COQ3: variants seen among roughly 807,000 people sequenced by gnomAD.
COQ3 encodes the protein ubiquinone biosynthesis O-methyltransferase, mitochondrial.
Under a neutral mutation model 33.1 loss-of-function variants are expected in COQ3, and 29 were observed. The ratio of observed to expected loss-of-function variants is 0.88; its 90% CI spans 0.65 to 1.19. The LOEUF (loss-of-function observed/expected upper bound fraction) is 1.19. Among genes scored for constraint, COQ3 ranks in the 50% most tolerant of loss-of-function variants. The probability of loss-of-function intolerance (pLI) is 0.00; values close to 1 mark genes in which losing one functional copy is unlikely to be tolerated. For missense variants in COQ3, 437 were observed against 430.7 expected (o/e 1.01, Z -0.13); for synonymous variants, 173 against 157.8 (o/e 1.10, Z -0.72).
intron 5 of COQ3, among the ~76,000 whole-genome samples, chr6:99,373,227 C>T (rs946037949): frequency 6.6e-6 from 1 of 152,048 alleles, no homozygotes; most frequent in African/African-American, 2.4e-5. Context: ...GAGTTCAAGA[C>T]AAGCCTGGTC....
chr6:99,394,029 G>C, intron 1 of COQ3, 45 bp downstream of exon 1: 1 of 1,523,936 alleles, frequency 6.6e-7, no homozygotes, highest in Non-Finnish European at 9.1e-7. Context: ...AGACGCCAGC[G>C]CTCGCAATTG....
At chr6:99,387,310 G>A (rs924485696) in intron 1 of COQ3, among the ~76,000 whole-genome samples, 2 of 152,038 alleles carry the variant, frequency 1.3e-5, no homozygotes, top group African/African-American at 4.8e-5. Context: ...AATTAGCCAG[G>A]TATAGTGGTG....
chr6:99,374,165 T>G (rs1774221718), intron 5 of COQ3, among the ~76,000 whole-genome samples: 1 of 151,088 alleles, frequency 6.6e-6, no homozygotes. Flanking sequence ...TAACGAGCTC[T>G]GTAGTGCAGT....
At chr6:99,392,970 C>T (rs551406763) in intron 1 of COQ3, among the ~76,000 whole-genome samples, 1 of 152,208 alleles carries the variant, frequency 6.6e-6, no homozygotes, top group African/African-American at 2.4e-5. Flanking sequence ...TTAAATGCTC[C>T]TTCTATGTTC....
intron 1 of COQ3, among the ~76,000 whole-genome samples, chr6:99,385,130 C>A (rs541214029): frequency 6.6e-6 from 1 of 151,996 alleles, no homozygotes; most frequent in Non-Finnish European, 1.5e-5. Flanking sequence ...GTGTACATAC[C>A]AACAACAGAA....
chr6:99,376,340 T>C (rs992620332), intron 4 of COQ3, among the ~76,000 whole-genome samples, 158 bp from the exon 5 acceptor site: 1 of 152,210 alleles, frequency 6.6e-6, no homozygotes, highest in Non-Finnish European at 1.5e-5. Flanking sequence ...TTCTCTAGTT[T>C]GTACACATTT....
chr6:99,392,579 C>T (rs1774861105), intron 1 of COQ3, among the ~76,000 whole-genome samples: 1 of 152,000 alleles, frequency 6.6e-6, no homozygotes, highest in Non-Finnish European at 1.5e-5. Flanking sequence ...TGCAGTTTCT[C>T]ACAAACTTTC....
chr6:99,369,921 C>A (rs1357134577), intron 6 of COQ3, 101 bp from the exon 7 acceptor site: 2 of 740,042 alleles, frequency 2.7e-6, no homozygotes, highest in African/African-American at 3.6e-5. Flanking sequence ...GCTGAGAGCA[C>A]ACTAAATGGA....
At chr6:99,381,567 C>T (rs1774472848) in intron 2 of COQ3, among the ~76,000 whole-genome samples, 1 of 152,134 alleles carries the variant, frequency 6.6e-6, no homozygotes, top group African/African-American at 2.4e-5. Flanking sequence ...CTTTCCTTTC[C>T]CAAACACCTA....
chr6:99,384,052 C>T (rs1449660329), intron 1 of COQ3, among the ~76,000 whole-genome samples: 5 of 151,936 alleles, frequency 3.3e-5, no homozygotes, highest in Non-Finnish European at 7.4e-5. Context: ...AAGCGCAGGC[C>T]ACCAGGCCCA....
intron 1 of COQ3, among the ~76,000 whole-genome samples, chr6:99,391,157 G>A (rs533380845): frequency 9.2e-5 from 14 of 151,412 alleles, no homozygotes; most frequent in Admixed American, 3.9e-4. Context: ...GGAGTGCAGT[G>A]GTGGGTTCAC....
At chr6:99,379,302 C>G (rs534197087) in intron 3 of COQ3, among the ~76,000 whole-genome samples, 1 of 152,158 alleles carries the variant, frequency 6.6e-6, no homozygotes, top group Non-Finnish European at 1.5e-5. Flanking sequence ...TAATTCATCA[C>G]GTTAAGTGAG....
chr6:99,394,135 TAAA>T lies in COQ3; in HGVS notation c.42_44del (p.Phe14del), dbSNP rs747939266. 6.2e-7 allele frequency: 1 copy of T among 1,610,096 alleles called. No individual in the cohort carries two copies. Among genetic ancestry groups the T allele is most frequent in the East Asian group, 2.3e-5 (1 of 44,268 alleles). On this transcript the variant is annotated inframe_deletion, in exon 1 of 7. Coordinates refer to ENST00000254759, the MANE Select transcript of COQ3 (RefSeq NM_017421.4). ...TACAGCCTCCAGGCCCCAGCACTCT[TAAA>T]AACCAACCCCCGGAGGAGCCCAGCT... is the stretch of plus-strand genomic sequence containing the variant.
intron 5 of COQ3, among the ~76,000 whole-genome samples, chr6:99,374,808 C>T (rs1335072053): frequency 6.6e-6 from 1 of 152,142 alleles, no homozygotes; most frequent in Non-Finnish European, 1.5e-5. Flanking sequence ...CAATACCTGC[C>T]TTTCCTTCCT....
chr6:99,383,666 G>A (rs35446098), intron 2 of COQ3, 32 bp downstream of exon 2: 218,893 of 1,493,386 alleles, frequency 0.15, 17,224 homozygotes, highest in Non-Finnish European at 0.16. Flanking sequence ...ATATAATTAC[G>A]TGAATATTTG....
intron 2 of COQ3, among the ~76,000 whole-genome samples, chr6:99,381,568 CA>C (rs1774472926): frequency 1.3e-5 from 2 of 152,130 alleles, no homozygotes; most frequent in Admixed American, 6.6e-5. Flanking sequence ...TTTCCTTTCC[CA>C]AACACCTAAT....
chr6:99,370,344 C>CTTTTTTTTT lies in COQ3; in HGVS notation c.890-533_890-525dup. Among the ~76,000 whole-genome samples, 104 of 101,212 alleles carry CTTTTTTTTT rather than the reference C, an allele frequency of 1.0e-3. 1 individual carries two copies. The highest frequency in any genetic ancestry group is 2.4e-3 in the African/African-American group (61 of 25,378). The allele number at this position is 101,212 out of a possible 152,430, so 66.4% of individuals were successfully genotyped here. A position where few individuals can be genotyped will look rare whatever the true frequency, so the allele number is the denominator to read the frequency against. Reference sequence around the variant, plus strand: ...TTCTTTCTTTCTTTTCTTTTCTTTACTTTTTTTTTTTTTTTTTTTTGTGAG... The same window carrying CTTTTTTTTT: ...TTCTTTCTTTCTTTTCTTTTCTTTACTTTTTTTTTTTTTTTTTTTTTTTTTTTTTGTGAG... On this transcript the variant is annotated intron_variant, in intron 6 of 6. Coordinates refer to ENST00000254759, the MANE Select transcript of COQ3 (RefSeq NM_017421.4).
chr6:99,378,155 TA>T (rs1326529621), intron 3 of COQ3, among the ~76,000 whole-genome samples: 139 of 24,594 alleles, frequency 5.7e-3, no homozygotes, highest in South Asian at 8.2e-3. Context: ...TATATATATA[TA>T]TTTAGAGAGA....
chr6:99,385,550 C>T (rs539661870), intron 1 of COQ3, among the ~76,000 whole-genome samples: 2 of 152,148 alleles, frequency 1.3e-5, no homozygotes, highest in East Asian at 1.9e-4. Context: ...AAGTCAAAGA[C>T]AAGTCTCAGG....
Sources: allele counts gnomAD v4.1 joint callset (sites outside exome capture counted in the v4.1 genomes callset), GRCh38; gene constraint gnomAD v4.1.1; transcripts MANE v1.5; gene names NCBI Gene and HGNC (gene_info 2026-07-23, HGNC 2026-07-21).